CENPE: variants seen among roughly 807,000 people sequenced by gnomAD.
CENPE encodes centromere protein E.
Under a neutral mutation model 336.1 loss-of-function variants are expected in CENPE, and 145 were observed. The observed-to-expected ratio is 0.43, with a 90% CI of 0.38 to 0.50. CENPE has a LOEUF of 0.50. Ranked by LOEUF, CENPE falls within the 20% of genes least tolerant of loss-of-function variation. The probability of loss-of-function intolerance (pLI) is 0.00; values close to 1 mark genes in which losing one functional copy is unlikely to be tolerated. For synonymous variants in CENPE, 1,013 were observed against 984.8 expected (o/e 1.03, Z -0.54); for missense variants, 2,719 against 3,023.3 (o/e 0.90, Z 2.36).
intron 8 of CENPE, among the ~76,000 whole-genome samples, chr4:103,189,566 A>C (rs1399843327): frequency 6.6e-6 from 1 of 152,214 alleles, no homozygotes; most frequent in Non-Finnish European, 1.5e-5. Context: ...ATAGATGCAG[A>C]AAAGGCCTTT....
In CENPE at chr4:103,151,323, G is replaced by C. The variant is rs747576604; in HGVS notation, c.3292C>G (p.Gln1098Glu). The change falls in exon 26 of 49, where the codon CAA becomes GAA. Residue 1098 changes from glutamine (Q) to glutamate (E), a missense_variant. By Grantham distance (29) the Gln-to-Glu change is conservative. Transcript: ENST00000265148. The part of the protein sequence containing the change: ...RLLGDELKKQ[Q>E]EIVAQEKNHA... ...TTCTTTTCTTGTGCAACTATCTCTTGTTGCTTTTTAAGTTCATCCCCAAGA... is the reference window on the plus strand; with the variant it reads ...TTCTTTTCTTGTGCAACTATCTCTTCTTGCTTTTTAAGTTCATCCCCAAGA... 4 of 1,603,142 alleles carry C rather than the reference G, an allele frequency of 2.5e-6. No homozygotes were observed. Among genetic ancestry groups the C allele is most frequent in the Non-Finnish European group, 3.4e-6 (4 of 1,177,652 alleles).
chr4:103,175,625 T>C (rs1755791042), intron 15 of CENPE, among the ~76,000 whole-genome samples: 1 of 152,134 alleles, frequency 6.6e-6, no homozygotes, highest in Non-Finnish European at 1.5e-5. Context: ...TTCTATACAT[T>C]ATAAATGCCT....
intron 8 of CENPE, among the ~76,000 whole-genome samples, chr4:103,187,029 A>C (rs1756836183): frequency 1.3e-5 from 2 of 152,214 alleles, no homozygotes; most frequent in Non-Finnish European, 2.9e-5. Flanking sequence ...ATTATGCAGG[A>C]CTTTTTAAGT....
intron 12 of CENPE, 89 bp downstream of exon 12, chr4:103,181,248 T>C (rs1756303508): frequency 3.5e-6 from 3 of 866,494 alleles, no homozygotes; most frequent in Non-Finnish European, 4.9e-6. Context: ...AACTCAGATA[T>C]TCAGGAATGA....
At position 103,145,568 on chromosome 4, in the gene CENPE, G is replaced by A. The variant is rs763405434; in HGVS notation, c.4527C>T (p.Thr1509=). ...NLSEKETEIS[T]IQKQLEAIND... is the part of the protein sequence containing the mutation. ...TGATTGCTTCTAACTGCTTTTGAATGGTTGATATTTCAGTTTCCTTCTCTG... is the reference window on the plus strand; with the variant it reads ...TGATTGCTTCTAACTGCTTTTGAATAGTTGATATTTCAGTTTCCTTCTCTG... The change falls in exon 31 of 49, where the codon ACC becomes ACT. Residue 1509 remains threonine (T), a synonymous_variant. Transcript: ENST00000265148. The A allele has an allele frequency of 4.4e-6, 7 of 1,608,302 alleles. No homozygotes were observed. Among genetic ancestry groups the A allele is most frequent in the Non-Finnish European group, 5.9e-6 (7 of 1,177,750 alleles).
intron 29 of CENPE, among the ~76,000 whole-genome samples, chr4:103,146,965 T>C (rs1330699981): frequency 4.6e-5 from 7 of 152,150 alleles, no homozygotes; most frequent in Non-Finnish European, 8.8e-5. Context: ...GGAGGCATAT[T>C]AGTAGGGATA....
chr4:103,116,956 A>G (rs1161132246), intron 44 of CENPE, among the ~76,000 whole-genome samples: 1 of 152,158 alleles, frequency 6.6e-6, no homozygotes, highest in Non-Finnish European at 1.5e-5. Flanking sequence ...TCTTAAAATA[A>G]ATATTTTTTT....
At chr4:103,126,927 G>A (rs1560603724) in intron 42 of CENPE, among the ~76,000 whole-genome samples, 1 of 151,798 alleles carries the variant, frequency 6.6e-6, no homozygotes, top group African/African-American at 2.4e-5. Flanking sequence ...TCCTAGAAGT[G>A]TGCAGTAATT....
At chr4:103,123,172 T>G (rs961408586) in intron 42 of CENPE, 83 bp from the exon 43 acceptor site, 2 of 938,086 alleles carry the variant, frequency 2.1e-6, no homozygotes, top group Non-Finnish European at 3.4e-6. Context: ...TTCCATGGTT[T>G]CAGTTACCCT....
chr4:103,182,980 G>A (rs1756452906), intron 10 of CENPE, 89 bp from the exon 11 acceptor site: 6 of 1,318,548 alleles, frequency 4.6e-6, no homozygotes, highest in Non-Finnish European at 6.2e-6. Context: ...TCTTAAATCA[G>A]CCAGAGTTTC....
chr4:103,196,480 T>C (rs1419044710), intron 2 of CENPE, among the ~76,000 whole-genome samples: 1 of 152,178 alleles, frequency 6.6e-6, no homozygotes, highest in Non-Finnish European at 1.5e-5. Flanking sequence ...AAGTCAACTT[T>C]TCTATGTTCT....
At chr4:103,151,464 G>A in intron 25 of CENPE, 87 bp from the exon 26 acceptor site, 1 of 983,580 alleles carries the variant, frequency 1.0e-6, no homozygotes, top group Non-Finnish European at 1.4e-6. Context: ...CTCTCAGTCT[G>A]CAAATGAAGA....
chr4:103,120,119 A>AACAC (rs757630463), intron 44 of CENPE, 29 bp downstream of exon 44: 35 of 1,511,498 alleles, frequency 2.3e-5, no homozygotes, highest in Non-Finnish European at 3.2e-5. Context: ...CAAACAAACA[A>AACAC]ACAACTTTTA....
Position 103,152,932 on chromosome 4 carries a change from T to C in CENPE, c.3237+115A>G, listed in dbSNP as rs1753678725. On this transcript the variant is annotated intron_variant, in intron 25 of 48. Transcript: ENST00000265148. Reference sequence around the variant, plus strand: ...ACATTTGTTAAAAGTCGTCAGACCATACACTTCCACCAGATACATTTATTG... The same window carrying C: ...ACATTTGTTAAAAGTCGTCAGACCACACACTTCCACCAGATACATTTATTG... The C allele has an allele frequency of 1.1e-5, 8 of 760,708 alleles. No individual in the cohort carries two copies. In the East Asian group the frequency reaches 2.2e-4, roughly 21 times the overall value. The allele number at this position is 760,708 out of a possible 1,614,324, so 47.1% of individuals were successfully genotyped here.
Position 103,158,763 on chromosome 4 carries a change from C to G in CENPE, c.2725G>C (p.Glu909Gln), listed in dbSNP as rs760438151. 1 of 1,613,104 alleles carries G rather than the reference C, an allele frequency of 6.2e-7. No individual in the cohort carries two copies. Among genetic ancestry groups the G allele is most frequent in the Non-Finnish European group, 8.5e-7 (1 of 1,179,508 alleles). ...AGTTTCTCAGTAATCAGTGTTTTCT[C>G]CCTTTCTACAGTTTGCAGCGTAGAA... ...RDSTLQTVER[E>Q]KTLITEKLQQ... The change falls in exon 23 of 49, where the codon GAG becomes CAG. Residue 909 changes from glutamate to glutamine, a missense_variant. Glu to Gln is a conservative substitution (Grantham distance 29, BLOSUM62 2). This residue lies in a region of CENPE where 2,437 missense variants were observed against 2,513.3 expected (regional missense o/e 0.97). Coordinates refer to ENST00000265148, the MANE Select transcript of CENPE (RefSeq NM_001813.3).
chr4:103,134,909 A>T (rs1008167161), intron 40 of CENPE, among the ~76,000 whole-genome samples: 1 of 152,236 alleles, frequency 6.6e-6, no homozygotes, highest in Admixed American at 6.5e-5. Context: ...CTGTTCTCTG[A>T]CAATGATCAC....
Position 103,174,846 on chromosome 4 carries a change from C to G in CENPE, c.1537G>C (p.Asp513His). ...LRADYDNLVL[D>H]YEQLRTEKEE... ...TTTTCTGTTCGTAGTTGTTCATAGTCTAATACCAGATTATCATAGTCAGCA... is the reference window on the plus strand; with the variant it reads ...TTTTCTGTTCGTAGTTGTTCATAGTGTAATACCAGATTATCATAGTCAGCA... Residue 513 changes from aspartate to histidine, a missense_variant, in exon 16 of 49, where the codon GAC (aspartate) becomes CAC (histidine). Physicochemically the swap from Asp to His is moderately conservative, Grantham distance 81. Around this residue, in one of 5 missense-constraint regions of CENPE, gnomAD observed 2,437 missense variants for 2,513.3 expected, o/e 0.97. Coordinates refer to ENST00000265148, the MANE Select transcript of CENPE (RefSeq NM_001813.3). The G allele has an allele frequency of 6.5e-7, 1 of 1,535,246 alleles. No individual in the cohort carries two copies. The highest frequency in any genetic ancestry group is 8.8e-7 in the Non-Finnish European group (1 of 1,141,626).
At chr4:103,190,504 C>G (rs533607601) in intron 8 of CENPE, among the ~76,000 whole-genome samples, 56 of 152,324 alleles carry the variant, frequency 3.7e-4, no homozygotes, top group South Asian at 1.2e-3. Context: ...CTACAACTAT[C>G]TGATCTTTGA....
intron 42 of CENPE, 96 bp downstream of exon 42, chr4:103,132,597 T>C (rs939544713): frequency 9.5e-6 from 5 of 528,730 alleles, no homozygotes; most frequent in Non-Finnish European, 1.7e-5. Flanking sequence ...CATATACAAA[T>C]AAAGAAAATA....
Sources: allele counts gnomAD v4.1 joint callset (sites outside exome capture counted in the v4.1 genomes callset), GRCh38; gene constraint gnomAD v4.1.1; regional missense constraint gnomAD v4.1.1; transcripts MANE v1.5; gene names NCBI Gene and HGNC (gene_info 2026-07-23, HGNC 2026-07-21).